ADAMTSL1: variants seen among roughly 807,000 people sequenced by gnomAD.
The protein encoded by ADAMTSL1 is ADAMTS like 1.
In ADAMTSL1, 126 loss-of-function variants were observed where a neutral mutation model predicts 201.8. That is an observed-to-expected ratio of 0.62 (90% CI 0.54 to 0.72). The LOEUF is 0.72. Ranked by LOEUF, ADAMTSL1 falls within the 30% of genes least tolerant of loss-of-function variation. The probability of loss-of-function intolerance (pLI) is 0.00; values close to 1 mark genes in which losing one functional copy is unlikely to be tolerated. For synonymous variants in ADAMTSL1, 1,121 were observed against 903.4 expected, an observed-to-expected ratio of 1.24 and a Z score of -4.32; for missense variants, 2,679 against 2,277.8, an observed-to-expected ratio of 1.18 and a Z score of -3.59.
chr9:18,480,424 T>C (rs933718909), intron 1 of ADAMTSL1, among the ~76,000 whole-genome samples: 7 of 152,176 alleles, frequency 4.6e-5, no homozygotes, highest in African/African-American at 1.7e-4. Context: ...AAAAACTTCA[T>C]GACTCTAAGG....
chr9:18,310,667 G>T (rs540357273), intron 2 of ADAMTSL1, among the ~76,000 whole-genome samples: 3 of 151,992 alleles, frequency 2.0e-5, no homozygotes, highest in Non-Finnish European at 4.4e-5. Context: ...ACCATCTCAC[G>T]CCAGTTAGAA....
chr9:18,771,731 T>TTG (rs1820701066), intron 17 of ADAMTSL1, among the ~76,000 whole-genome samples: 1 of 105,454 alleles, frequency 9.5e-6, no homozygotes, highest in African/African-American at 3.1e-5. Flanking sequence ...TTTTTTTTTT[T>TTG]TTGGATAGTA....
intron 2 of ADAMTSL1, among the ~76,000 whole-genome samples, chr9:18,165,168 C>T (rs1827578929): frequency 6.6e-6 from 1 of 151,788 alleles, no homozygotes; most frequent in African/African-American, 2.4e-5. Context: ...ATTTTTCCTT[C>T]TTATGAAAAA....
chr9:18,674,998 G>GAATAGT (rs557547845), intron 9 of ADAMTSL1, among the ~76,000 whole-genome samples: 13 of 151,520 alleles, frequency 8.6e-5, no homozygotes, highest in Middle Eastern at 3.4e-3. Context: ...AAGTAGGTCA[G>GAATAGT]AGTAGTTTAT....
Position 17,970,790 on chromosome 9 carries a change from G to A in ADAMTSL1, c.87+63868G>A, listed in dbSNP as rs79610810. On this transcript the variant is annotated intron_variant, in intron 1 of 29. Transcript: ENST00000680146. ...TTACTCCTATCTTCACACTTACTTG[G>A]TCTCTTCCTCTGGCACTGAATTTGC... Among the ~76,000 whole-genome samples the A allele has an allele frequency of 5.6e-3, 848 of 151,936 alleles. 8 individuals carry two copies. The highest frequency in any genetic ancestry group is 0.02 in the African/African-American group (816 of 41,440).
intron 2 of ADAMTSL1, among the ~76,000 whole-genome samples, chr9:18,299,279 C>T (rs1833604061): frequency 6.6e-6 from 1 of 152,124 alleles, no homozygotes; most frequent in Non-Finnish European, 1.5e-5. Flanking sequence ...GTAGTTTTTA[C>T]TGTATAAATT....
chr9:18,523,905 G>T (rs1818868927), intron 2 of ADAMTSL1, among the ~76,000 whole-genome samples: 1 of 133,942 alleles, frequency 7.5e-6, no homozygotes, highest in Non-Finnish European at 1.6e-5. Context: ...GTTTGGCTTA[G>T]GATTGACTTG....
At chr9:18,083,555 C>T (rs1823609932) in intron 1 of ADAMTSL1, among the ~76,000 whole-genome samples, 1 of 152,134 alleles carries the variant, frequency 6.6e-6, no homozygotes, top group South Asian at 2.1e-4. Flanking sequence ...CAGGCTTAAA[C>T]CTTTGATTGT....
chr9:18,255,391 A>G (rs544908831), intron 2 of ADAMTSL1, among the ~76,000 whole-genome samples: 3 of 152,278 alleles, frequency 2.0e-5, no homozygotes, highest in African/African-American at 7.2e-5. Context: ...TAGTAAAAAC[A>G]GACGAAACTC....
chr9:17,968,459 C>G (rs919232375), intron 1 of ADAMTSL1, among the ~76,000 whole-genome samples: 55 of 152,240 alleles, frequency 3.6e-4, no homozygotes, highest in African/African-American at 1.3e-3. Flanking sequence ...ATGCTGTCTC[C>G]TTGGCAAAGG....
At chr9:18,563,965 C>T (rs117343398) in intron 3 of ADAMTSL1, among the ~76,000 whole-genome samples, 3,082 of 152,244 alleles carry the variant, frequency 0.02, 41 homozygotes, top group Non-Finnish European at 0.031. Context: ...GGGTGGCATC[C>T]GCTAAGCTAG....
chr9:18,126,815 T>G (rs1239058099), intron 1 of ADAMTSL1, among the ~76,000 whole-genome samples: 1 of 152,192 alleles, frequency 6.6e-6, no homozygotes, highest in East Asian at 1.9e-4. Context: ...AATATGTCTA[T>G]GCTTATGCCT....
At chr9:18,901,288 CAT>C (rs1448808678) in intron 26 of ADAMTSL1, among the ~76,000 whole-genome samples, 1 of 152,100 alleles carries the variant, frequency 6.6e-6, no homozygotes, top group Admixed American at 6.6e-5. Flanking sequence ...GATTACAAGA[CAT>C]ATTAAATGGA....
intron 16 of ADAMTSL1, among the ~76,000 whole-genome samples, chr9:18,767,781 A>G (rs1820450073): frequency 6.6e-6 from 1 of 152,210 alleles, no homozygotes; most frequent in Non-Finnish European, 1.5e-5. Context: ...TAAAATTAAA[A>G]TTTGCTTCTT....
chr9:18,402,173 C>A (rs983743038), intron 2 of ADAMTSL1, among the ~76,000 whole-genome samples: 1 of 152,192 alleles, frequency 6.6e-6, no homozygotes, highest in African/African-American at 2.4e-5. Context: ...TTATTCCACA[C>A]CTGCTTTGCT....
chr9:18,601,738 GCACATATATA>G (rs1363061363), intron 4 of ADAMTSL1, among the ~76,000 whole-genome samples: 1 of 151,398 alleles, frequency 6.6e-6, no homozygotes, highest in East Asian at 1.9e-4. Context: ...GTATAATGTA[GCACATATATA>G]CACATTTATA....
chr9:18,681,697 T>TGTGTGGGGCG, intron 11 of ADAMTSL1, 115 bp from the exon 12 acceptor site: 1 of 238,092 alleles, frequency 4.2e-6, no homozygotes, highest in African/African-American at 6.7e-5. Flanking sequence ...AGTCCTCGTG[T>TGTGTGGGGCG]GGGGGGGGGG....
chr9:18,778,521 C>T (rs1821198591), intron 19 of ADAMTSL1, among the ~76,000 whole-genome samples: 1 of 152,194 alleles, frequency 6.6e-6, no homozygotes, highest in Non-Finnish European at 1.5e-5. Context: ...CCTTGTCTCT[C>T]TGGGTCATAG....
intron 7 of ADAMTSL1, among the ~76,000 whole-genome samples, chr9:18,647,939 C>T (rs1490573414): frequency 1.3e-5 from 2 of 149,764 alleles, no homozygotes; most frequent in Non-Finnish European, 3.0e-5. Context: ...TCCTGGGTAT[C>T]CTTTTTGACT....
Sources: allele counts gnomAD v4.1 joint callset (sites outside exome capture counted in the v4.1 genomes callset), GRCh38; gene constraint gnomAD v4.1.1; transcripts MANE v1.5; gene names NCBI Gene and HGNC (gene_info 2026-07-23, HGNC 2026-07-21).